The following POLN variants were observed in gnomAD, a reference collection of about 807,000 sequenced individuals.
POLN encodes DNA polymerase nu.
Under a neutral mutation model 113.5 loss-of-function variants are expected in POLN, and 108 were observed. The observed-to-expected ratio is 0.95, with a 90% CI of 0.81 to 1.12. The LOEUF (loss-of-function observed/expected upper bound fraction) is 1.12, where lower values mean the gene tolerates loss of function less well. Among genes scored for constraint, POLN ranks in the 50% most tolerant of loss-of-function variants. The probability of loss-of-function intolerance (pLI) is 0.00; values close to 1 mark genes in which losing one functional copy is unlikely to be tolerated. For synonymous variants in POLN, 386 were observed against 391.5 expected, an observed-to-expected ratio of 0.99 and a Z score of 0.17; for missense variants, 1,097 against 1,077.1, an observed-to-expected ratio of 1.02 and a Z score of -0.26.
chr4:2,170,560 A>G (rs1346372658), intron 13 of POLN, 119 bp downstream of exon 13: 1 of 825,382 alleles, frequency 1.2e-6, no homozygotes, highest in Non-Finnish European at 1.9e-6. Context: ...TCTTCTGCAG[A>G]AACTGCTGCC....
chr4:2,085,643 G>T lies in POLN; in HGVS notation c.2167C>A (p.Arg723=), dbSNP rs373929577. ...TGGTGACACTGGGCAATAGCTGCTC[G>T]GGCGAAGTCCTTGATTTTCTTGTAC... ...QKYKKIKDFA[R]AAIAQCHQTG... The change falls in exon 21 of 26, where the codon CGA becomes AGA. Residue 723 remains arginine (R), a synonymous_variant. Coordinates refer to ENST00000511885, the MANE Select transcript of POLN (RefSeq NM_181808.4). The T allele has an allele frequency of 3.7e-6, 6 of 1,613,946 alleles. No individual in the cohort carries two copies. The highest frequency in any genetic ancestry group is 5.1e-6 in the Non-Finnish European group (6 of 1,180,042).
At chr4:2,156,328 C>T (rs1322611542) in intron 16 of POLN, 5 of 409,362 alleles carry the variant, frequency 1.2e-5, no homozygotes, top group Admixed American at 3.2e-5. Flanking sequence ...AAGTTAAGTG[C>T]TTTAAGTGTG....
intron 16 of POLN, among the ~76,000 whole-genome samples, chr4:2,132,790 A>G (rs1024474798): frequency 6.6e-6 from 1 of 152,238 alleles, no homozygotes; most frequent in Non-Finnish European, 1.5e-5. Flanking sequence ...AATAAAAATT[A>G]AAGTACTCTG....
At chr4:2,106,191 T>C in intron 19 of POLN, among the ~76,000 whole-genome samples, 1 of 152,204 alleles carries the variant, frequency 6.6e-6, no homozygotes, top group East Asian at 1.9e-4. Flanking sequence ...AGATGTTCTC[T>C]CTGTCCTGCA....
At chr4:2,179,166 G>C in intron 8 of POLN, 142 bp downstream of exon 8, 4 of 829,294 alleles carry the variant, frequency 4.8e-6, no homozygotes, top group Non-Finnish European at 7.3e-6. Flanking sequence ...GAAATGCCAA[G>C]GTCACAACTA....
Position 2,072,191 on chromosome 4 carries a change from T to A in POLN, c.2626A>T (p.Asn876Tyr), listed in dbSNP as rs374996349. 205 of 1,610,802 alleles carry A rather than the reference T, an allele frequency of 1.3e-4. No individual in the cohort carries two copies. Among genetic ancestry groups the A allele is most frequent in the Non-Finnish European group, 1.7e-4 (198 of 1,178,496 alleles). ...GGGGACCCAGGGGCAGCCAGGCTGTTGCTGGGAGACTCAGTGCGACATGGG... is the reference window on the plus strand; with the variant it reads ...GGGGACCCAGGGGCAGCCAGGCTGTAGCTGGGAGACTCAGTGCGACATGGG... Reference protein sequence around the residue: ...PGPCRTESPSNSLAAPGSPAS... With the variant: ...PGPCRTESPSYSLAAPGSPAS... Residue 876 changes from asparagine to tyrosine, a missense_variant, in exon 26 of 26, where the codon AAC (asparagine) becomes TAC (tyrosine). By Grantham distance (143) the Asn-to-Tyr change is moderately radical (BLOSUM62 -2). Transcript: ENST00000511885.
At chr4:2,192,389 C>G (rs1159040745) in intron 7 of POLN, among the ~76,000 whole-genome samples, 2 of 151,980 alleles carry the variant, frequency 1.3e-5, no homozygotes, top group African/African-American at 4.8e-5. Flanking sequence ...CTCACTCTGT[C>G]CCCCAGGCTG....
At chr4:2,133,433 T>C (rs1731776954) in intron 16 of POLN, among the ~76,000 whole-genome samples, 1 of 152,126 alleles carries the variant, frequency 6.6e-6, no homozygotes, top group African/African-American at 2.4e-5. Context: ...CATCAATGGG[T>C]GAATGGATAA....
chr4:2,216,345 G>A (rs1734112711), intron 3 of POLN, among the ~76,000 whole-genome samples: 1 of 152,210 alleles, frequency 6.6e-6, no homozygotes, highest in Non-Finnish European at 1.5e-5. Context: ...CACTGGGAGT[G>A]ATGACTTTCA....
chr4:2,153,951 A>T (rs1732357322), intron 16 of POLN, among the ~76,000 whole-genome samples: 1 of 151,776 alleles, frequency 6.6e-6, no homozygotes, highest in Non-Finnish European at 1.5e-5. Context: ...CAATCCCAGC[A>T]CTTTGGGAGG....
chr4:2,072,153 C>A lies in POLN; in HGVS notation c.2664G>T (p.Gln888His), dbSNP rs1314468912. 2.5e-6 allele frequency: 4 copies of A among 1,612,198 alleles called. No individual in the cohort carries two copies. Among genetic ancestry groups the A allele is most frequent in the Non-Finnish European group, 3.4e-6 (4 of 1,179,432 alleles). The change falls in exon 26 of 26, where the codon CAG (glutamine) becomes CAT (histidine). Residue 888 changes from glutamine (Q) to histidine (H), a missense_variant. Transcript: ENST00000511885. ...LAAPGSPAST[Q>H]PPPLHFSPSF... ...AAGGCGAAAAATGCAGGGGTGGGGGCTGGGTGCTGGCAGGGGACCCAGGGG... is the reference window on the plus strand; with the variant it reads ...AAGGCGAAAAATGCAGGGGTGGGGGATGGGTGCTGGCAGGGGACCCAGGGG...
intron 16 of POLN, among the ~76,000 whole-genome samples, chr4:2,148,675 A>C (rs573615115): frequency 2.7e-4 from 34 of 127,662 alleles, no homozygotes; most frequent in African/African-American, 1.1e-3. Flanking sequence ...CCCCCCCCAA[A>C]AAAAAAAAGT....
At chr4:2,160,459 T>G (rs1732552653) in intron 13 of POLN, among the ~76,000 whole-genome samples, 1 of 152,028 alleles carries the variant, frequency 6.6e-6, no homozygotes. Flanking sequence ...CGGGCTGGAG[T>G]GAAGTCGTGC....
At chr4:2,224,090 G>C (rs970863806) in intron 3 of POLN, among the ~76,000 whole-genome samples, 17 of 152,054 alleles carry the variant, frequency 1.1e-4, no homozygotes, top group Non-Finnish European at 2.5e-4. Flanking sequence ...TTGTACAGCT[G>C]AACAAAAATA....
intron 2 of POLN, chr4:2,232,237 AT>A: frequency 2.9e-6 from 2 of 692,678 alleles, no homozygotes; most frequent in Non-Finnish European, 4.6e-6. Flanking sequence ...TATAATTTAC[AT>A]GGAAAGACTT....
At position 2,124,318 on chromosome 4, in the gene POLN, G is replaced by A. The variant is rs1036923352; in HGVS notation, c.1982+3795C>T. Among the ~76,000 whole-genome samples the A allele has an allele frequency of 6.3e-4, 96 of 151,594 alleles. 1 individual carries two copies. Among genetic ancestry groups the A allele is most frequent in the African/African-American group, 2.0e-3 (83 of 40,944 alleles). ...AGACAGGTTCTTGCTCTGTCGAGGC[G>A]GAGTGCAGTGGTGTAATCATAGCTC... On this transcript the variant is annotated intron_variant, in intron 19 of 25. Transcript: ENST00000511885.
Position 2,123,228 on chromosome 4 carries a change from C to A in POLN, c.1982+4885G>T, listed in dbSNP as rs576547922. ...CCTCAGCTGGGCGTGGTGGTTCACA[C>A]CTGTAATCTCAGCACTTTGGGAGGC... On this transcript the variant is annotated intron_variant, in intron 19 of 25. Coordinates refer to ENST00000511885, the MANE Select transcript of POLN (RefSeq NM_181808.4). Among the ~76,000 whole-genome samples the A allele has an allele frequency of 1.2e-3, 184 of 152,308 alleles. 2 individuals carry two copies. The highest frequency in any genetic ancestry group is 6.8e-3 in the Middle Eastern group (2 of 294).
chr4:2,130,254 A>T, intron 17 of POLN, among the ~76,000 whole-genome samples: 1 of 146,266 alleles, frequency 6.8e-6, no homozygotes, highest in African/African-American at 2.5e-5. Context: ...TCAAAAAAGA[A>T]AACAGAAGAG....
intron 7 of POLN, among the ~76,000 whole-genome samples, chr4:2,189,116 C>T (rs531834060): frequency 6.6e-6 from 1 of 152,028 alleles, no homozygotes; most frequent in South Asian, 2.1e-4. Flanking sequence ...TTAAAAGATA[C>T]TACCAGAGAA....
Sources: gnomAD v4.1 joint callset for allele counts (sites outside exome capture counted in the v4.1 genomes callset) on GRCh38, gnomAD v4.1.1 for gene constraint, MANE v1.5 for transcripts, NCBI Gene and HGNC (gene_info 2026-07-23, HGNC 2026-07-21) for gene names.